Variants in PLXDC2 observed in about 807,000 individuals in gnomAD.
The protein encoded by PLXDC2 is plexin domain containing 2, also known as plexin domain-containing protein 2.
In PLXDC2, 40 loss-of-function variants were observed where a neutral mutation model predicts 68.9. The ratio of observed to expected loss-of-function variants is 0.58; its 90% CI spans 0.45 to 0.76. The LOEUF (loss-of-function observed/expected upper bound fraction) is 0.76. Ranked by LOEUF, PLXDC2 falls within the 30% of genes least tolerant of loss-of-function variation. The pLI, the probability that PLXDC2 is intolerant of heterozygous loss-of-function variation, is 0.00. For synonymous variants in PLXDC2, 243 were observed against 234.2 expected, an observed-to-expected ratio of 1.04 and a Z score of -0.34; for missense variants, 644 against 661.9, an observed-to-expected ratio of 0.97 and a Z score of 0.30.
chr10:19,901,054 A>T (rs1469687638), intron 1 of PLXDC2, among the ~76,000 whole-genome samples: 3 of 151,022 alleles, frequency 2.0e-5, no homozygotes, highest in African/African-American at 7.3e-5. Context: ...TATATAAAAC[A>T]ATTTATTTAT....
intron 4 of PLXDC2, among the ~76,000 whole-genome samples, chr10:20,115,279 C>A (rs1215423442): frequency 5.3e-5 from 8 of 152,164 alleles, no homozygotes. Context: ...GCAACCTTGA[C>A]TCATGTCAGC....
chr10:20,149,561 C>T (rs1834125447), intron 6 of PLXDC2, among the ~76,000 whole-genome samples: 1 of 151,850 alleles, frequency 6.6e-6, no homozygotes, highest in Non-Finnish European at 1.5e-5. Context: ...TTCTGATCTT[C>T]TCCCTCCTCT....
At chr10:20,169,989 G>T (rs1411240058) in intron 7 of PLXDC2, among the ~76,000 whole-genome samples, 2 of 152,092 alleles carry the variant, frequency 1.3e-5, no homozygotes, top group African/African-American at 4.8e-5. Context: ...GACATTGTTT[G>T]TGTTACAATG....
At chr10:19,889,051 C>T (rs981338250) in intron 1 of PLXDC2, among the ~76,000 whole-genome samples, 1 of 151,886 alleles carries the variant, frequency 6.6e-6, no homozygotes, top group Non-Finnish European at 1.5e-5. Context: ...ATACCATTAT[C>T]TCTGGGAAAC....
At chr10:20,115,563 A>C (rs1833610665) in intron 4 of PLXDC2, among the ~76,000 whole-genome samples, 1 of 152,194 alleles carries the variant, frequency 6.6e-6, no homozygotes, top group African/African-American at 2.4e-5. Context: ...TTAAATAGGC[A>C]GGAGAGAATT....
chr10:19,993,903 AC>A (rs1333896517), intron 1 of PLXDC2, among the ~76,000 whole-genome samples: 1 of 152,258 alleles, frequency 6.6e-6, no homozygotes, highest in Non-Finnish European at 1.5e-5. Context: ...TGTGCAGGGC[AC>A]TTGCATCTTG....
At position 20,268,867 on chromosome 10, in the gene PLXDC2, G is replaced by A. The variant is rs182950779; in HGVS notation, c.1474-10836G>A. 3.9e-5 allele frequency among the ~76,000 whole-genome samples: 6 copies of A among 152,274 alleles called. No homozygotes were observed. The South Asian group carries it at 8.3e-4, about 21-fold the overall frequency. ...GAACTGGCTTGTTTTCACACCTTCT[G>A]CAAAGTACTTTTCTTTAGAGTAGAT... On this transcript the variant is annotated intron_variant, in intron 13 of 13. Coordinates refer to ENST00000377252, the MANE Select transcript of PLXDC2 (RefSeq NM_032812.9).
chr10:19,915,017 T>C (rs560333680), intron 1 of PLXDC2, among the ~76,000 whole-genome samples: 1 of 152,302 alleles, frequency 6.6e-6, no homozygotes, highest in South Asian at 2.1e-4. Context: ...AAAATTAAAG[T>C]TAGTTTCTCA....
intron 1 of PLXDC2, among the ~76,000 whole-genome samples, chr10:19,934,190 G>A (rs919720650): frequency 6.6e-6 from 1 of 152,148 alleles, no homozygotes; most frequent in African/African-American, 2.4e-5. Context: ...ATTACACAAT[G>A]GGTCCTAAAG....
At chr10:20,198,103 A>G (rs901428602) in intron 9 of PLXDC2, among the ~76,000 whole-genome samples, 9 of 152,300 alleles carry the variant, frequency 5.9e-5, no homozygotes, top group Non-Finnish European at 7.4e-5. Flanking sequence ...CTCCTTGATC[A>G]GAGAACATTC....
intron 2 of PLXDC2, among the ~76,000 whole-genome samples, chr10:20,028,858 C>T (rs1835452337): frequency 6.6e-6 from 1 of 152,090 alleles, no homozygotes; most frequent in Admixed American, 6.6e-5. Flanking sequence ...CTTCTAAGTC[C>T]ACATTTAATC....
At chr10:20,244,838 A>G (rs1835566993) in intron 12 of PLXDC2, among the ~76,000 whole-genome samples, 3 of 152,210 alleles carry the variant, frequency 2.0e-5, no homozygotes, top group African/African-American at 7.2e-5. Context: ...AACACAGGCC[A>G]GGTGCGGTGG....
intron 4 of PLXDC2, among the ~76,000 whole-genome samples, chr10:20,091,014 C>A (rs1833268976): frequency 6.6e-6 from 1 of 152,166 alleles, no homozygotes; most frequent in South Asian, 2.1e-4. Context: ...ATCTATGTTG[C>A]ACACAGGATG....
chr10:19,995,707 C>T (rs1834832959), intron 1 of PLXDC2, among the ~76,000 whole-genome samples: 1 of 152,164 alleles, frequency 6.6e-6, no homozygotes, highest in South Asian at 2.1e-4. Flanking sequence ...CTCTCCTCTG[C>T]ACAGTCTCAC....
intron 10 of PLXDC2, among the ~76,000 whole-genome samples, chr10:20,215,969 C>T (rs773722969): frequency 1.8e-4 from 28 of 152,028 alleles, no homozygotes; most frequent in South Asian, 4.1e-4. Flanking sequence ...GTGGTATGCA[C>T]GGCCCTGCTA....
chr10:20,110,515 C>G (rs1833545629), intron 4 of PLXDC2, among the ~76,000 whole-genome samples: 1 of 152,038 alleles, frequency 6.6e-6, no homozygotes, highest in African/African-American at 2.4e-5. Flanking sequence ...TGGAAATCAC[C>G]TTCATTGATT....
At chr10:20,089,142 GTTAAA>G (rs1285021491) in intron 4 of PLXDC2, among the ~76,000 whole-genome samples, 4 of 149,182 alleles carry the variant, frequency 2.7e-5, no homozygotes, top group Admixed American at 6.7e-5. Flanking sequence ...AAGGTCTGCT[GTTAAA>G]TTAAAAAAAA....
chr10:19,948,604 C>A (rs945958661), intron 1 of PLXDC2, among the ~76,000 whole-genome samples: 1 of 151,728 alleles, frequency 6.6e-6, no homozygotes, highest in South Asian at 2.1e-4. Context: ...GACTGTGTGG[C>A]GTTTAATGCT....
intron 1 of PLXDC2, among the ~76,000 whole-genome samples, chr10:19,899,498 T>G (rs552164703): frequency 6.6e-6 from 1 of 152,206 alleles, no homozygotes; most frequent in South Asian, 2.1e-4. Context: ...ATTTTTTGAT[T>G]GCACGTATTA....
Sources: gnomAD v4.1 joint callset for allele counts (sites outside exome capture counted in the v4.1 genomes callset) on GRCh38, gnomAD v4.1.1 for gene constraint, MANE v1.5 for transcripts, NCBI Gene and HGNC (gene_info 2026-07-23, HGNC 2026-07-21) for gene names.